The following CAMK4 variants were observed in gnomAD, a reference collection of about 807,000 sequenced individuals.
The protein encoded by CAMK4 is calcium/calmodulin-dependent protein kinase type IV.
Under a neutral mutation model 44.9 loss-of-function variants are expected in CAMK4, and 22 were observed. The observed-to-expected ratio is 0.49, with a 90% CI of 0.35 to 0.70. CAMK4 has a LOEUF of 0.70. Ranked by LOEUF, CAMK4 falls within the 30% of genes least tolerant of loss-of-function variation. CAMK4 has a pLI of 0.01. For missense variants in CAMK4, 498 were observed against 586.8 expected (o/e 0.85, Z 1.56); for synonymous variants, 218 against 215.4 (o/e 1.01, Z -0.11).
At chr5:111,423,467 C>T (rs973717709) in intron 5 of CAMK4, among the ~76,000 whole-genome samples, 7 of 152,174 alleles carry the variant, frequency 4.6e-5, no homozygotes, top group African/African-American at 7.2e-5. Flanking sequence ...ACATGTTGAA[C>T]GTGCTATAGG....
chr5:111,243,114 G>T (rs371247644), intron 1 of CAMK4, among the ~76,000 whole-genome samples: 31 of 152,298 alleles, frequency 2.0e-4, no homozygotes, highest in African/African-American at 7.5e-4. Context: ...CAGTAAGGCA[G>T]ATTTCACTCA....
At position 111,429,960 on chromosome 5, in the gene CAMK4, T is replaced by C. The variant is rs115335042; in HGVS notation, c.460-16726T>C. Among the ~76,000 whole-genome samples the C allele has an allele frequency of 9.8e-3, 1,454 of 147,764 alleles. 22 individuals are homozygous for C. The highest frequency in any genetic ancestry group is 0.035 in the African/African-American group (1,393 of 40,300). On this transcript the variant is annotated intron_variant, in intron 5 of 10. Coordinates refer to ENST00000282356, the MANE Select transcript of CAMK4 (RefSeq NM_001744.6). ...AGAAGAGGAGGGAATACCTCCAAAC[T>C]CATTCTATGAGGCCATTATTTCCCT... is the stretch of plus-strand genomic sequence containing the variant.
chr5:111,321,177 A>C (rs575075940), intron 1 of CAMK4, among the ~76,000 whole-genome samples: 1 of 152,124 alleles, frequency 6.6e-6, no homozygotes, highest in Non-Finnish European at 1.5e-5. Flanking sequence ...GTATATGTCA[A>C]CAGGAGCTGG....
At chr5:111,443,311 C>CTATAT (rs1475873051) in intron 5 of CAMK4, among the ~76,000 whole-genome samples, 1 of 120,476 alleles carries the variant, frequency 8.3e-6, no homozygotes, top group South Asian at 2.7e-4. Context: ...CACACACACA[C>CTATAT]ACACTATATA....
At chr5:111,361,380 G>T (rs953048097) in intron 2 of CAMK4, among the ~76,000 whole-genome samples, 1 of 151,944 alleles carries the variant, frequency 6.6e-6, no homozygotes, top group Non-Finnish European at 1.5e-5. Context: ...TCAAATTAAA[G>T]TTTGGGAATT....
In CAMK4 at chr5:111,473,302, T is replaced by C. The variant is rs761841062; in HGVS notation, c.626-9T>C. On this transcript the variant is annotated splice_polypyrimidine_tract_variant and intron_variant, in intron 7 of 10. Transcript: ENST00000282356. ...CTCTAATTTAACACAATTTTCACTTTTTCTGCAGCACCTGAAATTCTTAGA... is the reference window on the plus strand; with the variant it reads ...CTCTAATTTAACACAATTTTCACTTCTTCTGCAGCACCTGAAATTCTTAGA... 1.3e-5 allele frequency: 20 copies of C among 1,599,846 alleles called. No homozygotes were observed. Among genetic ancestry groups the C allele is most frequent in the Non-Finnish European group, 1.6e-5 (19 of 1,167,760 alleles).
At chr5:111,460,106 GA>G (rs1219321858) in intron 7 of CAMK4, among the ~76,000 whole-genome samples, 2 of 151,926 alleles carry the variant, frequency 1.3e-5, no homozygotes, top group Non-Finnish European at 2.9e-5. Flanking sequence ...TTTTGGACCA[GA>G]ACACCCACAA....
At chr5:111,421,942 C>A (rs149250009) in intron 5 of CAMK4, among the ~76,000 whole-genome samples, 12 of 152,188 alleles carry the variant, frequency 7.9e-5, no homozygotes, top group Admixed American at 1.3e-4. Context: ...CACTCTCTTG[C>A]CTGCTGCCAT....
intron 1 of CAMK4, among the ~76,000 whole-genome samples, chr5:111,287,476 G>T (rs1467879218): frequency 1.3e-5 from 2 of 152,158 alleles, no homozygotes; most frequent in Non-Finnish European, 2.9e-5. Context: ...CATTTATTCT[G>T]TCTTGAATTT....
intron 1 of CAMK4, among the ~76,000 whole-genome samples, chr5:111,228,718 G>A (rs1407416869): frequency 6.6e-6 from 1 of 152,172 alleles, no homozygotes; most frequent in Non-Finnish European, 1.5e-5. Context: ...GAAAAGTGCT[G>A]TTGTAGGCCA....
intron 2 of CAMK4, among the ~76,000 whole-genome samples, chr5:111,357,283 G>T (rs1284780458): frequency 1.3e-5 from 2 of 152,052 alleles, no homozygotes; most frequent in Admixed American, 6.6e-5. Flanking sequence ...AAGGGGAGCT[G>T]CTGGGGCACT....
intron 6 of CAMK4, among the ~76,000 whole-genome samples, chr5:111,448,844 T>G (rs532457184): frequency 6.6e-6 from 1 of 152,134 alleles, no homozygotes; most frequent in African/African-American, 2.4e-5. Flanking sequence ...AAGAAAAAAA[T>G]TGCTTATTTG....
chr5:111,492,828 T>C lies in CAMK4; in HGVS notation c.*8362T>C, dbSNP rs1755901561. On this transcript the variant is annotated 3_prime_UTR_variant, in exon 11 of 11. Transcript: ENST00000282356. ...AAAAGCCAACCTTATAGATACAACC[T>C]GTACATATATAACCTATGCTGCATT... 1 of 152,134 alleles carries C rather than the reference T, an allele frequency of 6.6e-6. No homozygotes were observed. Among genetic ancestry groups the C allele is most frequent in the Admixed American group, 6.6e-5 (1 of 15,258 alleles). 9.4% of individuals were successfully genotyped at this position (152,134 alleles called of 1,614,324 possible).
chr5:111,372,369 C>T (rs553644849), intron 2 of CAMK4, among the ~76,000 whole-genome samples: 56 of 152,128 alleles, frequency 3.7e-4, no homozygotes, highest in Non-Finnish European at 6.8e-4. Flanking sequence ...ATTTCTCCTA[C>T]ATCCAGGAAT....
rs752403585 is a variant in CAMK4, at chr5:111,376,956, G to A, written c.386+14G>A. The A allele has an allele frequency of 6.5e-6, 10 of 1,538,450 alleles. No homozygotes were observed. Among genetic ancestry groups the A allele is most frequent in the South Asian group, 1.2e-5 (1 of 84,276 alleles). On this transcript the variant is annotated intron_variant, in intron 4 of 10. Transcript: ENST00000282356. Reference sequence around the variant, plus strand: ...ACTGTTTGATAGGTGAGTTGGTTCTGGAAATATAACCACAGAAAGGTTTGC... The same window carrying A: ...ACTGTTTGATAGGTGAGTTGGTTCTAGAAATATAACCACAGAAAGGTTTGC...
At chr5:111,435,924 A>G (rs1753629268) in intron 5 of CAMK4, among the ~76,000 whole-genome samples, 1 of 152,208 alleles carries the variant, frequency 6.6e-6, no homozygotes, top group Non-Finnish European at 1.5e-5. Context: ...AACCTTATAT[A>G]CAAATAAATA....
At chr5:111,252,286 C>T (rs563089171) in intron 1 of CAMK4, among the ~76,000 whole-genome samples, 4 of 152,270 alleles carry the variant, frequency 2.6e-5, no homozygotes, top group Admixed American at 1.3e-4. Context: ...TAGTATCATC[C>T]GTGCCTAGAG....
chr5:111,269,230 T>C (rs1750396068), intron 1 of CAMK4, among the ~76,000 whole-genome samples: 1 of 152,234 alleles, frequency 6.6e-6, no homozygotes, highest in East Asian at 1.9e-4. Context: ...TGGGGGTTTG[T>C]GAAGGGTCTG....
At chr5:111,477,143 T>G (rs894590705) in intron 8 of CAMK4, among the ~76,000 whole-genome samples, 7 of 152,174 alleles carry the variant, frequency 4.6e-5, no homozygotes, top group African/African-American at 1.7e-4. Context: ...TAGGCTGCTC[T>G]TCCACAGGTG....
Sources: gnomAD v4.1 joint callset for allele counts (sites outside exome capture counted in the v4.1 genomes callset) on GRCh38, gnomAD v4.1.1 for gene constraint, MANE v1.5 for transcripts, NCBI Gene and HGNC (gene_info 2026-07-23, HGNC 2026-07-21) for gene names.